Variants in NTNG1 observed in about 807,000 individuals in gnomAD.
NTNG1 encodes netrin G1.
Under a neutral mutation model 54.0 loss-of-function variants are expected in NTNG1, and 16 were observed. That is an observed-to-expected ratio of 0.30 (90% CI 0.20 to 0.45). The LOEUF is 0.45. NTNG1 is among the 20% of genes least tolerant of loss of function. The probability of loss-of-function intolerance (pLI) is 1.00; values close to 1 mark genes in which losing one functional copy is unlikely to be tolerated. For missense variants in NTNG1, 530 were observed against 678.7 expected (o/e 0.78, Z 2.43); for synonymous variants, 255 against 263.1 (o/e 0.97, Z 0.30).
At chr1:107,344,353 T>A (rs993502394) in intron 3 of NTNG1, among the ~76,000 whole-genome samples, 2 of 152,136 alleles carry the variant, frequency 1.3e-5, no homozygotes, top group Non-Finnish European at 2.9e-5. Flanking sequence ...TTGTTTGTTG[T>A]TTTGTTTTGT....
At chr1:107,387,001 A>C (rs907873175) in intron 3 of NTNG1, among the ~76,000 whole-genome samples, 4 of 152,194 alleles carry the variant, frequency 2.6e-5, no homozygotes, top group African/African-American at 7.2e-5. Flanking sequence ...AATGACAAAT[A>C]ATGTTGAGCA....
At chr1:107,460,648 T>C (rs1442633117) in intron 7 of NTNG1, among the ~76,000 whole-genome samples, 1 of 152,208 alleles carries the variant, frequency 6.6e-6, no homozygotes, top group Non-Finnish European at 1.5e-5. Flanking sequence ...TCCTTCAGCT[T>C]TCACTTTTAT....
At chr1:107,201,151 A>G (rs1028897449) in intron 2 of NTNG1, among the ~76,000 whole-genome samples, 1 of 151,870 alleles carries the variant, frequency 6.6e-6, no homozygotes, top group African/African-American at 2.4e-5. Context: ...CTCTGAATGT[A>G]TAGTATTAAA....
chr1:107,319,790 A>G (rs1212067923), intron 2 of NTNG1, among the ~76,000 whole-genome samples: 2 of 151,902 alleles, frequency 1.3e-5, no homozygotes, highest in Non-Finnish European at 2.9e-5. Flanking sequence ...TAGTTTGCCC[A>G]TAGGTAAAGC....
intron 7 of NTNG1, among the ~76,000 whole-genome samples, chr1:107,474,952 G>A (rs906282477): frequency 1.3e-5 from 2 of 152,182 alleles, no homozygotes; most frequent in African/African-American, 4.8e-5. Context: ...AGGGGAAGAG[G>A]AAATGACAGT....
intron 2 of NTNG1, among the ~76,000 whole-genome samples, chr1:107,209,435 T>C (rs1049575107): frequency 3.9e-5 from 6 of 151,998 alleles, no homozygotes; most frequent in African/African-American, 1.4e-4. Flanking sequence ...GAAAAAGGGG[T>C]GAAAGGAGCA....
At chr1:107,367,716 A>T (rs1670682295) in intron 3 of NTNG1, among the ~76,000 whole-genome samples, 1 of 151,406 alleles carries the variant, frequency 6.6e-6, no homozygotes, top group Non-Finnish European at 1.5e-5. Flanking sequence ...TTTATTTTTT[A>T]TTTTTTCTGT....
chr1:107,303,894 T>C (rs61460475), intron 2 of NTNG1, among the ~76,000 whole-genome samples: 23,657 of 151,942 alleles, frequency 0.16, 1,894 homozygotes, highest in South Asian at 0.21. Flanking sequence ...ACCATGTTGG[T>C]CAGGATGGTC....
intron 7 of NTNG1, among the ~76,000 whole-genome samples, chr1:107,458,335 A>C (rs543442129): frequency 6.6e-6 from 1 of 152,296 alleles, no homozygotes; most frequent in Non-Finnish European, 1.5e-5. Context: ...CGATTAAAGG[A>C]GATCTCTATC....
intron 3 of NTNG1, among the ~76,000 whole-genome samples, chr1:107,386,144 T>A (rs1671965226): frequency 2.2e-5 from 1 of 46,388 alleles, no homozygotes; most frequent in African/African-American, 5.2e-5. Context: ...TATATATATA[T>A]GTGTGTATAT....
chr1:107,396,267 T>C (rs531953556), intron 4 of NTNG1, among the ~76,000 whole-genome samples: 1 of 152,238 alleles, frequency 6.6e-6, no homozygotes, highest in East Asian at 1.9e-4. Context: ...AAGAATGTTA[T>C]CAGGCACTTC....
At chr1:107,456,773 T>C (rs939513954) in intron 7 of NTNG1, among the ~76,000 whole-genome samples, 6 of 152,252 alleles carry the variant, frequency 3.9e-5, no homozygotes, top group Non-Finnish European at 8.8e-5. Context: ...GTTGCTTATG[T>C]AACGTGATGC....
chr1:107,411,077 A>AT (rs990797337), intron 5 of NTNG1, among the ~76,000 whole-genome samples: 31 of 152,184 alleles, frequency 2.0e-4, no homozygotes, highest in African/African-American at 7.5e-4. Flanking sequence ...AGATGTACAC[A>AT]TTTTGTGAAC....
intron 3 of NTNG1, among the ~76,000 whole-genome samples, chr1:107,365,007 T>C (rs1411142676): frequency 1.3e-5 from 2 of 152,226 alleles, no homozygotes; most frequent in Admixed American, 6.5e-5. Flanking sequence ...AATGAGTATA[T>C]TGAAACAATA....
At chr1:107,387,073 T>G (rs999707022) in intron 3 of NTNG1, among the ~76,000 whole-genome samples, 4 of 152,258 alleles carry the variant, frequency 2.6e-5, no homozygotes, top group Admixed American at 6.5e-5. Context: ...TTCAGATTCT[T>G]CACCCATTTT....
At chr1:107,223,381 AAAG>A (rs1660477746) in intron 2 of NTNG1, among the ~76,000 whole-genome samples, 2 of 152,088 alleles carry the variant, frequency 1.3e-5, no homozygotes, top group South Asian at 2.1e-4. Flanking sequence ...GTGAGAAATG[AAAG>A]AAGGTTAGTG....
rs187720866 is a variant in NTNG1, at chr1:107,317,818, G to T, written c.247-6464G>T. ...AGCTGCAACTTCAATCAGGCCCTAA[G>T]CTGGTGTCTATGCCAGCGGGGAATC... On this transcript the variant is annotated intron_variant, in intron 2 of 7. Transcript: ENST00000370068. 1.8e-4 allele frequency among the ~76,000 whole-genome samples: 27 copies of T among 152,290 alleles called. No individual in the cohort carries two copies. The East Asian group carries it at 5.2e-3, about 29-fold the overall frequency.
At chr1:107,363,898 T>C (rs555829399) in intron 3 of NTNG1, among the ~76,000 whole-genome samples, 1 of 152,314 alleles carries the variant, frequency 6.6e-6, no homozygotes, top group South Asian at 2.1e-4. Flanking sequence ...TTCACTATTG[T>C]TTTGATCAGT....
chr1:107,378,044 T>C (rs1439274191), intron 3 of NTNG1, among the ~76,000 whole-genome samples: 1 of 152,250 alleles, frequency 6.6e-6, no homozygotes, highest in Non-Finnish European at 1.5e-5. Flanking sequence ...AACACTAAAG[T>C]ACATTTTTAC....
Sources: gnomAD v4.1 joint callset for allele counts (sites outside exome capture counted in the v4.1 genomes callset) on GRCh38, gnomAD v4.1.1 for gene constraint, MANE v1.5 for transcripts, NCBI Gene and HGNC (gene_info 2026-07-23, HGNC 2026-07-21) for gene names.